The following PIWIL4 variants were observed in gnomAD, a reference collection of about 807,000 sequenced individuals.
PIWIL4 encodes piwi-like protein 4.
PIWIL4 carries 50 observed loss-of-function variants against 100.9 expected under a neutral mutation model. That is an observed-to-expected ratio of 0.50 (90% CI 0.39 to 0.63). PIWIL4 has a LOEUF of 0.63. Ranked by LOEUF, PIWIL4 falls within the 20% of genes least tolerant of loss-of-function variation. The pLI is 0.00. For synonymous variants in PIWIL4, 342 were observed against 367.5 expected, an observed-to-expected ratio of 0.93 and a Z score of 0.79; for missense variants, 887 against 1,043.3, an observed-to-expected ratio of 0.85 and a Z score of 2.06.
chr11:94,600,850 G>A (rs986166853), intron 11 of PIWIL4, among the ~76,000 whole-genome samples: 1 of 152,012 alleles, frequency 6.6e-6, no homozygotes, highest in African/African-American at 2.4e-5. Context: ...AAAGAATTCA[G>A]CAATATTTCT....
At chr11:94,620,198 G>T in intron 19 of PIWIL4, 54 bp downstream of exon 19, 2 of 1,500,950 alleles carry the variant, frequency 1.3e-6, no homozygotes, top group Non-Finnish European at 1.8e-6. Flanking sequence ...GTCCCACCTA[G>T]GAATTATCAT....
At position 94,585,204 on chromosome 11, in the gene PIWIL4, A is replaced by T. The variant is rs936903234; in HGVS notation, c.636-241A>T. Among the ~76,000 whole-genome samples, 11 of 152,366 alleles carry T rather than the reference A, an allele frequency of 7.2e-5. No individual in the cohort carries two copies. In the South Asian group the frequency reaches 2.3e-3, roughly 32 times the overall value. On this transcript the variant is annotated intron_variant, in intron 5 of 19. Transcript: ENST00000299001. ...ATGGCTAATTGACCACATATTTGTC[A>T]CTGCAGCTAAACCCAGACAGATAAA...
intron 4 of PIWIL4, among the ~76,000 whole-genome samples, chr11:94,577,865 AT>A (rs2135244426): frequency 6.6e-6 from 1 of 152,326 alleles, no homozygotes; most frequent in South Asian, 2.1e-4. Flanking sequence ...AGTAAAGTGT[AT>A]GCCTAATGAT....
rs951986915 is a variant in PIWIL4 at position 94,613,338 on chromosome 11, G to T, written c.1944-3155G>T. Among the ~76,000 whole-genome samples, 3 of 152,254 alleles carry T rather than the reference G, an allele frequency of 2.0e-5. No individual in the cohort carries two copies. The East Asian group carries it at 5.8e-4, about 29-fold the overall frequency. On this transcript the variant is annotated intron_variant, in intron 15 of 19. Transcript: ENST00000299001. Reference sequence around the variant, plus strand: ...TGAGAAATCTGCTGATAGCCTATGAGGGTTCCTTTGTATGTAATAAGCCTC... The same window carrying T: ...TGAGAAATCTGCTGATAGCCTATGATGGTTCCTTTGTATGTAATAAGCCTC...
At chr11:94,581,060 C>T (rs147507883) in intron 4 of PIWIL4, among the ~76,000 whole-genome samples, 2,132 of 152,064 alleles carry the variant, frequency 0.014, 44 homozygotes, top group African/African-American at 0.049. Flanking sequence ...CCACCACACC[C>T]GGCTAATTTT....
At chr11:94,606,169 C>T (rs1948713384) in intron 13 of PIWIL4, among the ~76,000 whole-genome samples, 1 of 152,142 alleles carries the variant, frequency 6.6e-6, no homozygotes. Flanking sequence ...CTTACTTGTC[C>T]AGCCCCTGGT....
In PIWIL4 at chr11:94,619,892, G is replaced by A. The variant is rs768168167; in HGVS notation, c.2294+7G>A. 1 of 1,614,202 alleles carries A rather than the reference G, an allele frequency of 6.2e-7. No homozygotes were observed. The highest frequency in any genetic ancestry group is 8.5e-7 in the Non-Finnish European group (1 of 1,180,038). ...AAGCAACACGTAACGAATGGCAAGTGCCGCTGGAAAATCAATTTTTAACAA... is the reference window on the plus strand; with the variant it reads ...AAGCAACACGTAACGAATGGCAAGTACCGCTGGAAAATCAATTTTTAACAA... On this transcript the variant is annotated splice_region_variant and intron_variant, in intron 18 of 19. Coordinates refer to ENST00000299001, the MANE Select transcript of PIWIL4 (RefSeq NM_152431.3).
In PIWIL4 at chr11:94,601,865, T is replaced by C. The variant is rs1188001776; in HGVS notation, c.1451T>C (p.Leu484Ser). The C allele has an allele frequency of 1.2e-6, 2 of 1,614,054 alleles. No individual in the cohort carries two copies. The highest frequency in any genetic ancestry group is 1.7e-6 in the Non-Finnish European group (2 of 1,179,992). ...RTCKILNAQS[L>S]NTWLILCSDR... ...TGCAAGATTTTAAATGCACAGTCTT[T>C]GAATACCTGGTTGATTTTATGTAGC... is the stretch of plus-strand genomic sequence containing the variant. The change falls in exon 12 of 20, where the codon TTG becomes TCG. Residue 484 changes from leucine (L) to serine (S), a missense_variant. Around this residue, in one of 2 missense-constraint regions of PIWIL4, gnomAD observed 741 missense variants for 930.0 expected, o/e 0.80. Transcript: ENST00000299001.
At chr11:94,599,629 G>A (rs1256932054) in intron 11 of PIWIL4, among the ~76,000 whole-genome samples, 6 of 152,206 alleles carry the variant, frequency 3.9e-5, no homozygotes, top group Non-Finnish European at 8.8e-5. Context: ...GGCCGAGGTA[G>A]GTGGACTCCT....
intron 15 of PIWIL4, among the ~76,000 whole-genome samples, chr11:94,612,631 C>G (rs1395380527): frequency 6.6e-6 from 1 of 152,072 alleles, no homozygotes; most frequent in African/African-American, 2.4e-5. Flanking sequence ...TCCTCTCTCT[C>G]TGTCTTCCTT....
intron 13 of PIWIL4, 97 bp from the exon 14 acceptor site, chr11:94,607,342 A>G: frequency 3.6e-6 from 4 of 1,121,570 alleles, no homozygotes; most frequent in Non-Finnish European, 5.1e-6. Context: ...AGGGTAAAAG[A>G]TGTTTGGAGA....
At chr11:94,611,566 C>T (rs1256548917) in intron 15 of PIWIL4, among the ~76,000 whole-genome samples, 2 of 152,120 alleles carry the variant, frequency 1.3e-5, no homozygotes, top group African/African-American at 4.8e-5. Flanking sequence ...TATAGTTTGT[C>T]CCCTCCAAAA....
At chr11:94,612,882 G>T (rs1204526631) in intron 15 of PIWIL4, among the ~76,000 whole-genome samples, 1 of 151,924 alleles carries the variant, frequency 6.6e-6, no homozygotes, top group Non-Finnish European at 1.5e-5. Context: ...GTGTATATAT[G>T]CATTAATTAT....
chr11:94,588,655 G>A (rs1403783555), intron 7 of PIWIL4, among the ~76,000 whole-genome samples: 1 of 152,200 alleles, frequency 6.6e-6, no homozygotes, highest in Non-Finnish European at 1.5e-5. Flanking sequence ...TTTGCCAAGG[G>A]CCAGCCCTAG....
At chr11:94,585,360 A>AC in intron 5 of PIWIL4, 85 bp from the exon 6 acceptor site, 1 of 905,332 alleles carries the variant, frequency 1.1e-6, no homozygotes, top group South Asian at 1.7e-5. Flanking sequence ...TATATTTTTA[A>AC]CATTATGTTC....
At chr11:94,606,851 C>A (rs1472954143) in intron 13 of PIWIL4, among the ~76,000 whole-genome samples, 4 of 150,550 alleles carry the variant, frequency 2.7e-5, no homozygotes, top group Non-Finnish European at 5.9e-5. Flanking sequence ...AAAAAAAAGC[C>A]AGGGGACTTG....
intron 16 of PIWIL4, 59 bp downstream of exon 16, chr11:94,616,622 C>A: frequency 7.3e-7 from 1 of 1,368,502 alleles, no homozygotes; most frequent in Non-Finnish European, 1.0e-6. Context: ...GACCTCAAAT[C>A]CACATGCTTA....
intron 5 of PIWIL4, among the ~76,000 whole-genome samples, chr11:94,583,781 TTGTCC>T (rs1948359474): frequency 1.3e-5 from 2 of 152,246 alleles, no homozygotes; most frequent in African/African-American, 4.8e-5. Context: ...ATATCCAGTA[TTGTCC>T]TAAGTTGAGA....
chr11:94,591,174 C>T (rs1288775067), intron 8 of PIWIL4, among the ~76,000 whole-genome samples: 1 of 152,176 alleles, frequency 6.6e-6, no homozygotes, highest in South Asian at 2.1e-4. Context: ...GTTTGGCCCC[C>T]TCTTTCTTTC....
Sources: gnomAD v4.1 joint callset for allele counts (sites outside exome capture counted in the v4.1 genomes callset) on GRCh38, gnomAD v4.1.1 for gene constraint, gnomAD v4.1.1 regional missense constraint, MANE v1.5 for transcripts, NCBI Gene and HGNC (gene_info 2026-07-23, HGNC 2026-07-21) for gene names.